Variants in SGCZ observed in about 807,000 individuals in gnomAD.
SGCZ encodes the protein zeta-sarcoglycan.
In SGCZ, 40 loss-of-function variants were observed where a neutral mutation model predicts 41.3. The ratio of observed to expected loss-of-function variants is 0.97; its 90% CI spans 0.75 to 1.26. SGCZ has a LOEUF of 1.26. SGCZ is among the 50% of genes most tolerant of loss of function. The pLI, the probability that SGCZ is intolerant of heterozygous loss-of-function variation, is 0.00. For missense variants in SGCZ, 552 were observed against 369.8 expected (o/e 1.49, Z -4.04); for synonymous variants, 206 against 137.5 (o/e 1.50, Z -3.49).
At chr8:15,058,328 G>C (rs779951994) in intron 1 of SGCZ, among the ~76,000 whole-genome samples, 1 of 152,016 alleles carries the variant, frequency 6.6e-6, no homozygotes, top group African/African-American at 2.4e-5. Context: ...TGCCACTCAT[G>C]GGGTGAAAAA....
rs138287456 is a variant in SGCZ, at chr8:14,828,080, T to C, written c.40-273154A>G. ...CACACATCAGCTTGAAATGAATCTC[T>C]ATTAGAAAAGTAATTCTGCTGAAAT... On this transcript the variant is annotated intron_variant, in intron 1 of 7. Transcript: ENST00000382080. 3.2e-3 allele frequency among the ~76,000 whole-genome samples: 484 copies of C among 152,322 alleles called. 4 individuals carry two copies. The highest frequency in any genetic ancestry group is 0.01 in the African/African-American group (427 of 41,564).
chr8:14,722,812 G>A (rs1164930122), intron 1 of SGCZ, among the ~76,000 whole-genome samples: 1 of 152,114 alleles, frequency 6.6e-6, no homozygotes, highest in Non-Finnish European at 1.5e-5. Flanking sequence ...GCATACATGT[G>A]CATGTGTTTT....
At chr8:14,445,680 G>A (rs895592762) in intron 2 of SGCZ, among the ~76,000 whole-genome samples, 2 of 152,124 alleles carry the variant, frequency 1.3e-5, no homozygotes, top group African/African-American at 2.4e-5. Flanking sequence ...CATTGACTGT[G>A]GGTACCCAAA....
intron 1 of SGCZ, among the ~76,000 whole-genome samples, chr8:14,771,069 G>A (rs1406185820): frequency 2.0e-5 from 3 of 152,104 alleles, no homozygotes; most frequent in African/African-American, 7.2e-5. Flanking sequence ...AGAAAACTCT[G>A]AAAGTTAGAG....
chr8:14,275,419 C>G (rs552574482), intron 3 of SGCZ, among the ~76,000 whole-genome samples: 3 of 152,094 alleles, frequency 2.0e-5, no homozygotes, highest in Non-Finnish European at 2.9e-5. Flanking sequence ...CTAAAGGCTT[C>G]GAACAGCCCC....
chr8:14,784,917 T>A (rs369129486), intron 1 of SGCZ, among the ~76,000 whole-genome samples: 2,784 of 34,238 alleles, frequency 0.081, 49 homozygotes, highest in Middle Eastern at 0.091. Context: ...AAAAAAAATA[T>A]ATATATATAT....
At chr8:14,552,163 C>G (rs1803890991) in intron 2 of SGCZ, among the ~76,000 whole-genome samples, 1 of 151,956 alleles carries the variant, frequency 6.6e-6, no homozygotes, top group Non-Finnish European at 1.5e-5. Flanking sequence ...ACATAATGCA[C>G]TAGTAAAAAC....
At chr8:14,373,872 C>A (rs1231591328) in intron 2 of SGCZ, among the ~76,000 whole-genome samples, 1 of 151,980 alleles carries the variant, frequency 6.6e-6, no homozygotes, top group Non-Finnish European at 1.5e-5. Context: ...AATAGCCACA[C>A]CTGGACTTAA....
intron 2 of SGCZ, among the ~76,000 whole-genome samples, chr8:14,475,196 G>C (rs531444801): frequency 6.6e-6 from 1 of 151,932 alleles, no homozygotes. Flanking sequence ...TTCAATATGA[G>C]TCTAATGAAA....
chr8:14,609,290 T>A (rs541563745), intron 1 of SGCZ, among the ~76,000 whole-genome samples: 13 of 152,314 alleles, frequency 8.5e-5, no homozygotes, highest in East Asian at 3.9e-4. Flanking sequence ...CGTTATTATA[T>A]AACGTCAATG....
chr8:14,422,748 G>C (rs910915273), intron 2 of SGCZ, among the ~76,000 whole-genome samples: 7 of 152,162 alleles, frequency 4.6e-5, no homozygotes, highest in African/African-American at 1.7e-4. Flanking sequence ...GCTTGCTTTT[G>C]TTACCCCAGA....
intron 2 of SGCZ, among the ~76,000 whole-genome samples, chr8:14,381,278 G>C (rs989761829): frequency 6.6e-6 from 1 of 152,208 alleles, no homozygotes; most frequent in East Asian, 1.9e-4. Flanking sequence ...GCAACAGCTA[G>C]GAAGGTTCAG....
intron 5 of SGCZ, among the ~76,000 whole-genome samples, chr8:14,150,000 C>A (rs1803649766): frequency 6.6e-6 from 1 of 152,128 alleles, no homozygotes; most frequent in African/African-American, 2.4e-5. Context: ...AGACCCCTAT[C>A]TCTTGCCATA....
intron 2 of SGCZ, among the ~76,000 whole-genome samples, chr8:14,403,646 A>T (rs954541843): frequency 2.0e-5 from 3 of 152,118 alleles, no homozygotes; most frequent in African/African-American, 7.2e-5. Flanking sequence ...TATTTATTTT[A>T]GTGTTCATCA....
chr8:15,047,133 A>G (rs939058190), intron 1 of SGCZ, among the ~76,000 whole-genome samples: 10 of 152,050 alleles, frequency 6.6e-5, no homozygotes, highest in Admixed American at 5.2e-4. Flanking sequence ...GGGTATATGC[A>G]ATGTTTCTTT....
At chr8:14,654,445 G>T (rs942955056) in intron 1 of SGCZ, among the ~76,000 whole-genome samples, 1 of 152,072 alleles carries the variant, frequency 6.6e-6, no homozygotes, top group African/African-American at 2.4e-5. Context: ...TATAGTAGTT[G>T]CTATGAGAAT....
chr8:14,462,364 C>T (rs1217420818), intron 2 of SGCZ, among the ~76,000 whole-genome samples: 1 of 151,882 alleles, frequency 6.6e-6, no homozygotes, highest in Non-Finnish European at 1.5e-5. Flanking sequence ...GTAAAATTTA[C>T]TATCTTAAAT....
rs146623505 is a variant in SGCZ, at chr8:14,835,009, C to T, written c.40-280083G>A. ...CTCCAATTCCAATACATCAGAGCCACCTCTACAGATGGTCCTGAAACAACT... is the reference window on the plus strand; with the variant it reads ...CTCCAATTCCAATACATCAGAGCCATCTCTACAGATGGTCCTGAAACAACT... On this transcript the variant is annotated intron_variant, in intron 1 of 7. Coordinates refer to ENST00000382080, the MANE Select transcript of SGCZ (RefSeq NM_139167.4). Among the ~76,000 whole-genome samples, 22 of 152,274 alleles carry T rather than the reference C, an allele frequency of 1.4e-4. No homozygotes were observed. In the East Asian group the frequency reaches 3.7e-3, roughly 25 times the overall value.
chr8:15,166,305 T>G (rs375846422), intron 1 of SGCZ, among the ~76,000 whole-genome samples: 2 of 151,476 alleles, frequency 1.3e-5, no homozygotes, highest in East Asian at 3.9e-4. Context: ...TGGAGTGCAG[T>G]GGCAAGATCT....
Sources: gnomAD v4.1 joint callset for allele counts (sites outside exome capture counted in the v4.1 genomes callset) on GRCh38, gnomAD v4.1.1 for gene constraint, MANE v1.5 for transcripts, NCBI Gene and HGNC (gene_info 2026-07-23, HGNC 2026-07-21) for gene names.